SGSM3: variants seen among roughly 807,000 people sequenced by gnomAD.
The protein encoded by SGSM3 is small G protein signaling modulator 3.
SGSM3 carries 96 observed loss-of-function variants against 100.5 expected under a neutral mutation model. The observed-to-expected ratio is 0.96, with a 90% CI of 0.81 to 1.13. The LOEUF is 1.13. Among genes scored for constraint, SGSM3 ranks in the 50% most tolerant of loss-of-function variants. The pLI is 0.00. For missense variants in SGSM3, 1,001 were observed against 1,015.8 expected (o/e 0.99, Z 0.20); for synonymous variants, 483 against 422.8 (o/e 1.14, Z -1.75).
intron 1 of SGSM3, among the ~76,000 whole-genome samples, chr22:40,396,724 G>A (rs2050104011): frequency 6.6e-6 from 1 of 152,046 alleles, no homozygotes; most frequent in African/African-American, 2.4e-5. Flanking sequence ...AAGAAAATAG[G>A]ACACAGGACA....
chr22:40,409,043 GA>G, intron 19 of SGSM3, 25 bp downstream of exon 19: 2 of 1,554,826 alleles, frequency 1.3e-6, no homozygotes, highest in Non-Finnish European at 1.7e-6. Context: ...GGGGTTGGAG[GA>G]GAGCCCTGGA....
rs191789301 is a variant in SGSM3 at position 40,380,348 on chromosome 22, A to G, written c.-112+9660A>G. On this transcript the variant is annotated intron_variant, in intron 1 of 21. Transcript: ENST00000248929. ...ATTGTACATTTTCTAGCTTTTTTTAACCATGAATATCTATAATTTTTTTTT... is the reference window on the plus strand; with the variant it reads ...ATTGTACATTTTCTAGCTTTTTTTAGCCATGAATATCTATAATTTTTTTTT... Among the ~76,000 whole-genome samples the G allele has an allele frequency of 2.6e-3, 386 of 150,246 alleles. 1 individual carries two copies. Among genetic ancestry groups the G allele is most frequent in the Non-Finnish European group, 2.8e-3 (188 of 67,666 alleles).
In SGSM3 at chr22:40,410,278, G is replaced by GACTA. The variant is rs1569240309; in HGVS notation, c.*522_*525dup. 1.5e-5 allele frequency: 9 copies of GACTA among 619,208 alleles called. 2 individuals are homozygous for GACTA. In the East Asian group the frequency reaches 4.1e-4, roughly 28 times the overall value. The allele number at this position is 619,208 out of a possible 1,614,324, so 38.4% of individuals were successfully genotyped here. A position where few individuals can be genotyped will look rare whatever the true frequency, so the allele number is the denominator to read the frequency against. Reference sequence around the variant, plus strand: ...CCCCTTCCATGGACTGAATAAGATGGACTAACAGGCCTGTGTTTTTGTGTT... The same window carrying GACTA: ...CCCCTTCCATGGACTGAATAAGATGGACTAACTAACAGGCCTGTGTTTTTGTGTT... On this transcript the variant is annotated 3_prime_UTR_variant, in exon 22 of 22. Transcript: ENST00000248929.
intron 1 of SGSM3, among the ~76,000 whole-genome samples, chr22:40,392,246 T>C (rs921317459): frequency 1.3e-5 from 2 of 151,862 alleles, no homozygotes; most frequent in Admixed American, 6.6e-5. Flanking sequence ...ATTCCAGTAA[T>C]TACTTAGACT....
At chr22:40,370,917 C>T (rs561652401) in intron 1 of SGSM3, among the ~76,000 whole-genome samples, 1 of 152,332 alleles carries the variant, frequency 6.6e-6, no homozygotes, top group Admixed American at 6.5e-5. Flanking sequence ...CGGCTGCGTC[C>T]TCCGGTGCGG....
At chr22:40,400,919 G>A in intron 2 of SGSM3, 106 bp downstream of exon 2, 1 of 1,114,648 alleles carries the variant, frequency 9.0e-7, no homozygotes, top group Non-Finnish European at 1.2e-6. Flanking sequence ...AGATAAGAGA[G>A]GTGGAGATGG....
At position 40,407,894 on chromosome 22, in the gene SGSM3, A is replaced by G; in HGVS notation, c.1579+51A>G. ...CTGGGAGAGGGAGGAGGGGGTGGGC[A>G]CAGAAGACTTGGGTGACCCTGGCCG... On this transcript the variant is annotated intron_variant, in intron 14 of 21. Coordinates refer to ENST00000248929, the MANE Select transcript of SGSM3 (RefSeq NM_015705.6). The surrounding 1 kb of genome is among the most constrained non-coding windows in gnomAD (Gnocchi z 4.7). The G allele has an allele frequency of 6.4e-7, 1 of 1,554,438 alleles. No homozygotes were observed. Among genetic ancestry groups the G allele is most frequent in the Middle Eastern group, 1.7e-4 (1 of 5,860 alleles).
chr22:40,394,694 G>A (rs1168085828), intron 1 of SGSM3, among the ~76,000 whole-genome samples: 1 of 151,014 alleles, frequency 6.6e-6, no homozygotes, highest in Non-Finnish European at 1.5e-5. Flanking sequence ...GGCTAGAAGG[G>A]CCATCTGTCA....
At chr22:40,371,245 C>A (rs2045407303) in intron 1 of SGSM3, among the ~76,000 whole-genome samples, 2 of 152,222 alleles carry the variant, frequency 1.3e-5, no homozygotes, top group Non-Finnish European at 2.9e-5. Flanking sequence ...GTGGTTAGGA[C>A]TGGAATTTTG....
At chr22:40,389,094 G>T (rs894131283) in intron 1 of SGSM3, among the ~76,000 whole-genome samples, 2 of 152,162 alleles carry the variant, frequency 1.3e-5, no homozygotes, top group Non-Finnish European at 2.9e-5. Flanking sequence ...CCAGGAGAGT[G>T]CAGAGAGCTA....
intron 1 of SGSM3, among the ~76,000 whole-genome samples, chr22:40,377,677 A>G (rs763416254): frequency 1.3e-5 from 2 of 152,102 alleles, no homozygotes; most frequent in Non-Finnish European, 2.9e-5. Flanking sequence ...CTCTACAAAA[A>G]AAAACTTTAA....
chr22:40,373,227 C>T (rs573364205), intron 1 of SGSM3: 10 of 152,314 alleles, frequency 6.6e-5, no homozygotes, highest in African/African-American at 1.2e-4. Flanking sequence ...TTTGTCTGTG[C>T]TGTACTACCT....
chr22:40,386,618 C>T (rs183973826), intron 1 of SGSM3, among the ~76,000 whole-genome samples: 33 of 121,218 alleles, frequency 2.7e-4, no homozygotes, highest in African/African-American at 9.0e-4. Flanking sequence ...GATCAGGTCT[C>T]GCTATGTTGC....
At chr22:40,403,416 C>T (rs1211635442) in intron 4 of SGSM3, among the ~76,000 whole-genome samples, 2 of 152,158 alleles carry the variant, frequency 1.3e-5, no homozygotes, top group East Asian at 1.9e-4. Context: ...CCTGCAGGCC[C>T]CCGAACAAAA....
intron 7 of SGSM3, 130 bp from the exon 8 acceptor site, chr22:40,405,519 G>A: frequency 1.1e-6 from 1 of 939,704 alleles, no homozygotes; most frequent in Non-Finnish European, 1.6e-6. Context: ...AGCAGCCCAG[G>A]GAAGGCCTGG....
chr22:40,404,489 G>A, intron 5 of SGSM3, 34 bp downstream of exon 5: 4 of 1,610,838 alleles, frequency 2.5e-6, no homozygotes, highest in Non-Finnish European at 3.4e-6. Context: ...AGGGTGTTGA[G>A]AGGGTCCTGG....
At chr22:40,386,174 C>T (rs1390108385) in intron 1 of SGSM3, among the ~76,000 whole-genome samples, 2 of 152,152 alleles carry the variant, frequency 1.3e-5, no homozygotes, top group Non-Finnish European at 2.9e-5. Context: ...GCCACCACCT[C>T]TCCCAGCCAA....
intron 1 of SGSM3, among the ~76,000 whole-genome samples, chr22:40,386,301 T>C (rs1021593335): frequency 6.6e-6 from 1 of 152,158 alleles, no homozygotes; most frequent in Non-Finnish European, 1.5e-5. Context: ...ATTGTTGAAA[T>C]CAGCATTATT....
At position 40,407,479 on chromosome 22, in the gene SGSM3, C is replaced by T. The variant is rs563225500; in HGVS notation, c.1435C>T (p.Arg479Cys). The T allele has an allele frequency of 2.4e-5, 38 of 1,611,834 alleles. No individual in the cohort carries two copies. Among genetic ancestry groups the T allele is most frequent in the East Asian group, 2.2e-4 (10 of 44,866 alleles). ...CCACGAGAACTACGTGGCGTGCTCACGCAGCCACCGGCGCCGAGCCAAGGC... is the reference window on the plus strand; with the variant it reads ...CCACGAGAACTACGTGGCGTGCTCATGCAGCCACCGGCGCCGAGCCAAGGC... ...RDHENYVACSRSHRRRAKALL... is the reference protein window; with the variant it reads ...RDHENYVACSCSHRRRAKALL... The change falls in exon 13 of 22, where the codon CGC (arginine) becomes TGC (cysteine). Residue 479 changes from arginine to cysteine, a missense_variant. Transcript: ENST00000248929. The surrounding 1 kb of genome is among the most constrained non-coding windows in gnomAD (Gnocchi z 4.7).
Sources: gnomAD v4.1 joint callset for allele counts (sites outside exome capture counted in the v4.1 genomes callset) on GRCh38, gnomAD v4.1.1 for gene constraint, Gnocchi (gnomAD v3.1) non-coding constraint, MANE v1.5 for transcripts, NCBI Gene and HGNC (gene_info 2026-07-23, HGNC 2026-07-21) for gene names.